CTNNA3: variants seen among roughly 807,000 people sequenced by gnomAD.
CTNNA3 encodes catenin alpha-3.
CTNNA3 carries 76 observed loss-of-function variants against 95.7 expected under a neutral mutation model. That is an observed-to-expected ratio of 0.79 (90% CI 0.66 to 0.96). CTNNA3 has a LOEUF of 0.96. CTNNA3 is among the 40% of genes least tolerant of loss of function. The pLI is 0.00. For missense variants in CTNNA3, 1,191 were observed against 1,089.8 expected, an observed-to-expected ratio of 1.09 and a Z score of -1.31; for synonymous variants, 431 against 374.4, an observed-to-expected ratio of 1.15 and a Z score of -1.74.
intron 10 of CTNNA3, among the ~76,000 whole-genome samples, chr10:66,603,161 T>C (rs1187098712): frequency 6.6e-6 from 1 of 152,078 alleles, no homozygotes; most frequent in Non-Finnish European, 1.5e-5. Flanking sequence ...TTATCCTCGT[T>C]TGTATATAGC....
In CTNNA3 at chr10:67,644,378, G is replaced by A. The variant is rs181900988; in HGVS notation, c.99+3037C>T. Among the ~76,000 whole-genome samples the A allele has an allele frequency of 3.6e-3, 541 of 151,968 alleles. 3 individuals are homozygous for A. Among genetic ancestry groups the A allele is most frequent in the Non-Finnish European group, 4.7e-3 (319 of 67,970 alleles). ...TATCCTTCGTCCGCTTTTTGATGGA[G>A]TTGTTTGTTTTTTCTTGTAAATTTT... On this transcript the variant is annotated intron_variant, in intron 2 of 17. Coordinates refer to ENST00000433211, the MANE Select transcript of CTNNA3 (RefSeq NM_013266.4).
In CTNNA3 at chr10:66,448,377, C is replaced by T. The variant is rs527762725; in HGVS notation, c.1532-69025G>A. ...ATGCTGCTATAAAGACACATGCACA[C>T]ATATGTTTATTGCGGCACTATTCAC... On this transcript the variant is annotated intron_variant, in intron 11 of 17. Coordinates refer to ENST00000433211, the MANE Select transcript of CTNNA3 (RefSeq NM_013266.4). Among the ~76,000 whole-genome samples, 502 of 152,230 alleles carry T rather than the reference C, an allele frequency of 3.3e-3. 1 individual carries two copies. The highest frequency in any genetic ancestry group is 0.012 in the African/African-American group (482 of 41,538).
chr10:66,188,591 GTCTCTGTGT>G (rs2086467155), intron 13 of CTNNA3, among the ~76,000 whole-genome samples: 3 of 107,058 alleles, frequency 2.8e-5, no homozygotes, highest in African/African-American at 1.4e-4. Flanking sequence ...GGGAGGGGGG[GTCTCTGTGT>G]GTGTGTGTGT....
intron 11 of CTNNA3, among the ~76,000 whole-genome samples, chr10:66,403,228 G>T (rs1244389947): frequency 6.6e-6 from 1 of 152,144 alleles, no homozygotes; most frequent in Non-Finnish European, 1.5e-5. Flanking sequence ...GCATTTAGCT[G>T]CCTGGTCCTC....
chr10:66,598,578 A>G (rs927682023), intron 10 of CTNNA3, among the ~76,000 whole-genome samples: 3 of 152,004 alleles, frequency 2.0e-5, no homozygotes, highest in African/African-American at 7.2e-5. Context: ...GATTCAGAAC[A>G]TATGAAGAAT....
intron 13 of CTNNA3, among the ~76,000 whole-genome samples, chr10:66,242,674 C>A (rs1285619082): frequency 6.6e-6 from 1 of 152,142 alleles, no homozygotes. Flanking sequence ...TTATGTATTG[C>A]TCATGGGAGT....
intron 1 of CTNNA3, among the ~76,000 whole-genome samples, chr10:67,734,502 T>G (rs1435903353): frequency 6.6e-6 from 1 of 152,168 alleles, no homozygotes; most frequent in Non-Finnish European, 1.5e-5. Flanking sequence ...CATGAAAGAT[T>G]GTACCTATTA....
intron 9 of CTNNA3, among the ~76,000 whole-genome samples, chr10:66,678,236 C>A (rs1474612577): frequency 6.6e-6 from 1 of 152,120 alleles, no homozygotes; most frequent in Non-Finnish European, 1.5e-5. Context: ...GCCATCTGCT[C>A]CCTGACCTAG....
At chr10:67,396,418 C>G (rs1488048373) in intron 5 of CTNNA3, among the ~76,000 whole-genome samples, 1 of 152,026 alleles carries the variant, frequency 6.6e-6, no homozygotes, top group Non-Finnish European at 1.5e-5. Context: ...ATCATTCCAG[C>G]TATGTAATTT....
chr10:66,577,821 A>G (rs1424639123), intron 10 of CTNNA3, among the ~76,000 whole-genome samples: 2 of 152,006 alleles, frequency 1.3e-5, no homozygotes, highest in Non-Finnish European at 2.9e-5. Flanking sequence ...CTTTGATTCC[A>G]TATGAATTTT....
At chr10:67,522,605 T>C (rs1840021486) in intron 4 of CTNNA3, among the ~76,000 whole-genome samples, 1 of 151,934 alleles carries the variant, frequency 6.6e-6, no homozygotes, top group East Asian at 1.9e-4. Context: ...TATGAGCAGA[T>C]GAGTTATGAT....
chr10:66,634,205 T>G (rs1845256139), intron 9 of CTNNA3, among the ~76,000 whole-genome samples: 1 of 152,168 alleles, frequency 6.6e-6, no homozygotes, highest in South Asian at 2.1e-4. Context: ...GTATGTGAAT[T>G]TTTAATACCA....
intron 16 of CTNNA3, among the ~76,000 whole-genome samples, chr10:65,976,358 C>T (rs1387538344): frequency 6.6e-6 from 1 of 152,042 alleles, no homozygotes; most frequent in Non-Finnish European, 1.5e-5. Flanking sequence ...GATTCTTGAC[C>T]AATAACCAAT....
intron 10 of CTNNA3, among the ~76,000 whole-genome samples, chr10:66,577,506 G>A (rs534472289): frequency 1.9e-4 from 29 of 152,156 alleles, no homozygotes; most frequent in African/African-American, 6.0e-4. Context: ...TTGGGTATAT[G>A]GTGAAAGGAA....
intron 7 of CTNNA3, among the ~76,000 whole-genome samples, chr10:66,917,265 C>T (rs114882856): frequency 0.011 from 1,631 of 152,146 alleles, 21 homozygotes; most frequent in African/African-American, 0.037. Flanking sequence ...AATTTTTGCT[C>T]GAGTTACAAT....
intron 13 of CTNNA3, among the ~76,000 whole-genome samples, chr10:66,130,358 T>C (rs2048625486): frequency 6.7e-6 from 1 of 148,824 alleles, no homozygotes; most frequent in South Asian, 2.1e-4. Flanking sequence ...AAGAAATAAC[T>C]AAAGTGAGAG....
At chr10:67,395,383 A>C (rs1459287289) in intron 5 of CTNNA3, among the ~76,000 whole-genome samples, 9 of 152,130 alleles carry the variant, frequency 5.9e-5, no homozygotes, top group Admixed American at 5.9e-4. Context: ...CCTCCACATA[A>C]TTTAAAGCTG....
Position 66,491,562 on chromosome 10 carries a change from G to A in CTNNA3, c.1531+29055C>T, listed in dbSNP as rs142443289. On this transcript the variant is annotated intron_variant, in intron 11 of 17. Coordinates refer to ENST00000433211, the MANE Select transcript of CTNNA3 (RefSeq NM_013266.4). ...CTACATATTTGCCCATGAGAAATTA[G>A]TACTAATTTCAGATCTCCTATATGA... is the stretch of plus-strand genomic sequence containing the variant. Among the ~76,000 whole-genome samples the A allele has an allele frequency of 1.1e-4, 17 of 152,198 alleles. 1 individual carries two copies. In the East Asian group the frequency reaches 3.3e-3, roughly 29 times the overall value.
chr10:66,717,228 C>T lies in CTNNA3; in HGVS notation c.1281+49036G>A, dbSNP rs561797205. On this transcript the variant is annotated intron_variant, in intron 9 of 17. Transcript: ENST00000433211. Reference sequence around the variant, plus strand: ...GATAGATTTCAGACCTGCCAGCCCCCGCCATGTAAGCCAATTCCTTTTGGA... The same window carrying T: ...GATAGATTTCAGACCTGCCAGCCCCTGCCATGTAAGCCAATTCCTTTTGGA... 1.4e-4 allele frequency among the ~76,000 whole-genome samples: 22 copies of T among 152,184 alleles called. No individual in the cohort carries two copies. In the South Asian group the frequency reaches 4.6e-3, roughly 32 times the overall value.
Sources: gnomAD v4.1 joint callset for allele counts (sites outside exome capture counted in the v4.1 genomes callset) on GRCh38, gnomAD v4.1.1 for gene constraint, MANE v1.5 for transcripts, NCBI Gene and HGNC (gene_info 2026-07-23, HGNC 2026-07-21) for gene names.